Variants in DLG2 observed in about 807,000 individuals in gnomAD.
DLG2 encodes the protein discs large MAGUK scaffold protein 2.
Under a neutral mutation model 132.5 loss-of-function variants are expected in DLG2, and 45 were observed. The observed-to-expected ratio is 0.34, with a 90% CI of 0.27 to 0.44. The LOEUF (loss-of-function observed/expected upper bound fraction) is 0.44. Ranked by LOEUF, DLG2 falls within the 20% of genes least tolerant of loss-of-function variation. The pLI, the probability that DLG2 is intolerant of heterozygous loss-of-function variation, is 1.00. For missense variants in DLG2, 1,045 were observed against 1,196.9 expected, an observed-to-expected ratio of 0.87 and a Z score of 1.87; for synonymous variants, 424 against 419.6, an observed-to-expected ratio of 1.01 and a Z score of -0.13.
chr11:85,542,496 G>T (rs1034371246), intron 3 of DLG2, among the ~76,000 whole-genome samples: 2 of 152,108 alleles, frequency 1.3e-5, no homozygotes, highest in Admixed American at 6.6e-5. Context: ...TAGGAGTAAG[G>T]CTTCATCTTT....
At chr11:85,136,028 C>A (rs118103899) in intron 5 of DLG2, among the ~76,000 whole-genome samples, 1 of 152,080 alleles carries the variant, frequency 6.6e-6, no homozygotes, top group Non-Finnish European at 1.5e-5. Context: ...AAGAGAATTG[C>A]GTGCACTCTA....
intron 18 of DLG2, among the ~76,000 whole-genome samples, chr11:83,660,615 AT>A (rs2074004729): frequency 6.6e-6 from 1 of 152,172 alleles, no homozygotes; most frequent in Non-Finnish European, 1.5e-5. Flanking sequence ...CAAGAAGCAC[AT>A]ATGATATAAT....
At chr11:84,003,564 G>A (rs906187642) in intron 11 of DLG2, among the ~76,000 whole-genome samples, 1 of 152,120 alleles carries the variant, frequency 6.6e-6, no homozygotes, top group Admixed American at 6.6e-5. Context: ...AAGGTGGCAG[G>A]AAGCAGTGCC....
chr11:83,993,940 G>A (rs1423594728), intron 11 of DLG2, among the ~76,000 whole-genome samples: 1 of 152,130 alleles, frequency 6.6e-6, no homozygotes, highest in Non-Finnish European at 1.5e-5. Flanking sequence ...TGTTGCTGGA[G>A]AAAGCAAGCT....
At chr11:84,373,256 AAAAAAAAAC>A (rs1186689959) in intron 7 of DLG2, among the ~76,000 whole-genome samples, 5 of 85,560 alleles carry the variant, frequency 5.8e-5, no homozygotes, top group Admixed American at 1.1e-4. Flanking sequence ...AGTCAAAAAA[AAAAAAAAAC>A]AAAACAAAAA....
intron 6 of DLG2, among the ~76,000 whole-genome samples, chr11:84,946,225 C>T (rs2050175735): frequency 6.6e-6 from 1 of 152,222 alleles, no homozygotes; most frequent in East Asian, 1.9e-4. Flanking sequence ...AAGCTGGTAC[C>T]CAAGCTGCAA....
intron 6 of DLG2, among the ~76,000 whole-genome samples, chr11:84,569,810 AAGG>A (rs2099473444): frequency 6.6e-6 from 1 of 152,218 alleles, no homozygotes; most frequent in Non-Finnish European, 1.5e-5. Flanking sequence ...AACAAAAAGA[AAGG>A]AGAAGACTGG....
At chr11:84,277,465 T>A (rs909713065) in intron 7 of DLG2, among the ~76,000 whole-genome samples, 5 of 152,054 alleles carry the variant, frequency 3.3e-5, no homozygotes, top group African/African-American at 1.2e-4. Context: ...AATGACACAA[T>A]TCCAAATAGC....
chr11:84,337,763 G>A (rs2098494112), intron 7 of DLG2, among the ~76,000 whole-genome samples: 2 of 152,106 alleles, frequency 1.3e-5, no homozygotes, highest in African/African-American at 4.8e-5. Flanking sequence ...CCTGTTCACT[G>A]ACTTAAATAA....
intron 6 of DLG2, among the ~76,000 whole-genome samples, chr11:84,672,864 C>G (rs1394486042): frequency 6.6e-6 from 1 of 152,090 alleles, no homozygotes. Context: ...GTTCCACAGG[C>G]TATGCAGGAA....
intron 6 of DLG2, among the ~76,000 whole-genome samples, chr11:84,944,468 T>A (rs1038945495): frequency 6.6e-6 from 1 of 152,084 alleles, no homozygotes; most frequent in Non-Finnish European, 1.5e-5. Context: ...ACTGCCTGTC[T>A]TCAAGCTCAC....
At chr11:84,023,891 A>G (rs1177668164) in intron 11 of DLG2, among the ~76,000 whole-genome samples, 9 of 152,130 alleles carry the variant, frequency 5.9e-5, no homozygotes, top group Admixed American at 2.6e-4. Context: ...AATGAACACC[A>G]AGTACATTTT....
At chr11:85,483,055 G>T (rs286501) in intron 3 of DLG2, among the ~76,000 whole-genome samples, 7 of 152,066 alleles carry the variant, frequency 4.6e-5, no homozygotes, top group Non-Finnish European at 7.3e-5. Context: ...TTTCAAATTT[G>T]GAGAAAGATA....
At chr11:83,667,950 C>T (rs7109939) in intron 18 of DLG2, among the ~76,000 whole-genome samples, 51,765 of 121,096 alleles carry the variant, frequency 0.43, 11,703 homozygotes, top group African/African-American at 0.65. Context: ...CAGTCCAGCC[C>T]GGGCGACAGA....
At chr11:84,535,899 A>T (rs935212000) in intron 6 of DLG2, among the ~76,000 whole-genome samples, 1 of 151,316 alleles carries the variant, frequency 6.6e-6, no homozygotes, top group African/African-American at 2.4e-5. Context: ...TGTGATGTCT[A>T]ACTTCTTCCC....
intron 9 of DLG2, among the ~76,000 whole-genome samples, chr11:84,113,192 TA>T (rs1048795151): frequency 3.9e-5 from 6 of 152,188 alleles, no homozygotes; most frequent in African/African-American, 1.2e-4. Context: ...GATGAGGCAT[TA>T]AAAATTATTA....
intron 6 of DLG2, among the ~76,000 whole-genome samples, chr11:84,748,161 G>T (rs1460373747): frequency 6.6e-6 from 1 of 152,176 alleles, no homozygotes; most frequent in Non-Finnish European, 1.5e-5. Context: ...AGGAAATCAT[G>T]TGTGAGAAAT....
chr11:84,019,399 A>C (rs1019876252), intron 11 of DLG2, among the ~76,000 whole-genome samples: 1 of 152,146 alleles, frequency 6.6e-6, no homozygotes, highest in Non-Finnish European at 1.5e-5. Flanking sequence ...AATGAACTAG[A>C]AGGGTGAAAC....
At chr11:83,785,031 C>G (rs2094988929) in intron 18 of DLG2, among the ~76,000 whole-genome samples, 1 of 151,778 alleles carries the variant, frequency 6.6e-6, no homozygotes, top group Non-Finnish European at 1.5e-5. Flanking sequence ...CAGCATATAT[C>G]TTTTAATTTT....
Sources: gnomAD v4.1 joint callset for allele counts (sites outside exome capture counted in the v4.1 genomes callset) on GRCh38, gnomAD v4.1.1 for gene constraint, MANE v1.5 for transcripts, NCBI Gene and HGNC (gene_info 2026-07-23, HGNC 2026-07-21) for gene names.